The following DHX36 variants were observed in gnomAD, a reference collection of about 807,000 sequenced individuals.
DHX36 encodes ATP-dependent DNA/RNA helicase DHX36.
In DHX36, 50 loss-of-function variants were observed where a neutral mutation model predicts 139.0. The ratio of observed to expected loss-of-function variants is 0.36; its 90% CI spans 0.29 to 0.46. DHX36 has a LOEUF of 0.46. Ranked by LOEUF, DHX36 falls within the 20% of genes least tolerant of loss-of-function variation. The pLI is 1.00. For synonymous variants in DHX36, 425 were observed against 401.9 expected, an observed-to-expected ratio of 1.06 and a Z score of -0.69; for missense variants, 1,024 against 1,211.3, an observed-to-expected ratio of 0.85 and a Z score of 2.29.
intron 11 of DHX36, 34 bp from the exon 12 acceptor site, chr3:154,299,959 C>A (rs1712201397): frequency 6.9e-7 from 1 of 1,445,674 alleles, no homozygotes; most frequent in Non-Finnish European, 9.7e-7. Flanking sequence ...TACAAAGGAT[C>A]ACATCAACAA....
rs544105657 is a variant in DHX36, at chr3:154,299,700, A to G, written c.1549+138T>C. On this transcript the variant is annotated intron_variant, in intron 12 of 24. Coordinates refer to ENST00000496811, the MANE Select transcript of DHX36 (RefSeq NM_020865.3). ...GAAAAAGAAAGAAAATATTCTCTTC[A>G]TAATACTAAATAAAAAGCTTCACCT... 2.1e-4 allele frequency: 151 copies of G among 713,394 alleles called. No individual in the cohort carries two copies. In the African/African-American group the frequency reaches 2.4e-3, roughly 11 times the overall value. 44.2% of individuals were successfully genotyped at this position (713,394 alleles called of 1,614,324 possible). A position where few individuals can be genotyped will look rare whatever the true frequency, so the allele number is the denominator to read the frequency against.
intron 11 of DHX36, 82 bp from the exon 12 acceptor site, chr3:154,300,007 T>C: frequency 3.4e-6 from 3 of 878,736 alleles, no homozygotes; most frequent in Non-Finnish European, 5.6e-6. Context: ...CACTGAAGTC[T>C]CCATTAAAAT....
chr3:154,301,998 CCTTTAGTTAT>C (rs1712315334), intron 9 of DHX36, among the ~76,000 whole-genome samples: 2 of 151,274 alleles, frequency 1.3e-5, no homozygotes, highest in Admixed American at 1.3e-4. Flanking sequence ...AAACATCTGG[CCTTTAGTTAT>C]CTTATTTGAG....
chr3:154,295,862 G>A (rs1712027922), intron 12 of DHX36, among the ~76,000 whole-genome samples: 1 of 152,052 alleles, frequency 6.6e-6, no homozygotes, highest in Non-Finnish European at 1.5e-5. Flanking sequence ...CTGCCCCCTG[G>A]GCTCAAGTGA....
chr3:154,289,843 A>C lies in DHX36; in HGVS notation c.1815-17T>G. On this transcript the variant is annotated splice_polypyrimidine_tract_variant and intron_variant, in intron 15 of 24. Transcript: ENST00000496811. Reference sequence around the variant, plus strand: ...GGTTGAACTCTTAAAAAAAAAACAAAACAAAATGAAACAAAGAGGGACAGT... The same window carrying C: ...GGTTGAACTCTTAAAAAAAAAACAACACAAAATGAAACAAAGAGGGACAGT... 1.4e-6 allele frequency: 2 copies of C among 1,454,680 alleles called. No homozygotes were observed. The highest frequency in any genetic ancestry group is 1.4e-5 in the African/African-American group (1 of 70,150). The allele number at this position is 1,454,680 out of a possible 1,614,324, so 90.1% of individuals were successfully genotyped here. A position where few individuals can be genotyped will look rare whatever the true frequency, so the allele number is the denominator to read the frequency against.
chr3:154,284,793 T>C, intron 18 of DHX36, 21 bp downstream of exon 18: 1 of 1,611,160 alleles, frequency 6.2e-7, no homozygotes, highest in African/African-American at 1.3e-5. Flanking sequence ...AATAACTCGG[T>C]TTTATTTCCA....
Position 154,292,012 on chromosome 3 carries a change from T to C in DHX36, c.1814+539A>G, listed in dbSNP as rs902821804. ...ACTACTGGTGAAAAATCAGTACTGCTATAAAATTCAGTGATTAGGAGCCTA... is the reference window on the plus strand; with the variant it reads ...ACTACTGGTGAAAAATCAGTACTGCCATAAAATTCAGTGATTAGGAGCCTA... On this transcript the variant is annotated intron_variant, in intron 15 of 24. Transcript: ENST00000496811. Among the ~76,000 whole-genome samples the C allele has an allele frequency of 2.0e-5, 3 of 152,242 alleles. No individual in the cohort carries two copies. The South Asian group carries it at 6.2e-4, about 32-fold the overall frequency.
Position 154,324,249 on chromosome 3 carries a change from G to A in DHX36, c.168C>T (p.His56=), listed in dbSNP as rs766058388. Residue 56 remains histidine (H), a synonymous_variant, in exon 1 of 25, where the codon CAC becomes CAT. Coordinates refer to ENST00000496811, the MANE Select transcript of DHX36 (RefSeq NM_020865.3). Reference sequence around the variant, plus strand: ...ACATGCCGATTTCGCGGCCTTTCAGGTGCCCGGGATGCCGGCCCCTGCCGC... The same window carrying A: ...ACATGCCGATTTCGCGGCCTTTCAGATGCCCGGGATGCCGGCCCCTGCCGC... ...GRGGRGRHPG[H]LKGREIGMWY... is the part of the protein sequence containing the mutation. The A allele has an allele frequency of 1.9e-6, 3 of 1,613,476 alleles. No homozygotes were observed. Among genetic ancestry groups the A allele is most frequent in the Non-Finnish European group, 1.7e-6 (2 of 1,179,730 alleles).
Position 154,322,408 on chromosome 3 carries a change from A to G in DHX36, c.243+1766T>C, listed in dbSNP as rs565409651. Among the ~76,000 whole-genome samples, 89 of 152,378 alleles carry G rather than the reference A, an allele frequency of 5.8e-4. 3 individuals carry two copies. The South Asian group carries it at 0.018, about 31-fold the overall frequency. On this transcript the variant is annotated intron_variant, in intron 1 of 24. Coordinates refer to ENST00000496811, the MANE Select transcript of DHX36 (RefSeq NM_020865.3). ...AAAGCACAGACAATGCAGAGCAAGA[A>G]TGGAAGCTAGATGACTAGTTAGAAG...
chr3:154,273,129 T>C lies in DHX36; in HGVS notation c.*3042A>G, dbSNP rs1186854094. ...TACTCAAAATGATGAATCAAACAGA[T>C]TTTCCTTCTTAATTTAATGTCTTAT... On this transcript the variant is annotated 3_prime_UTR_variant, in exon 25 of 25. Coordinates refer to ENST00000496811, the MANE Select transcript of DHX36 (RefSeq NM_020865.3). 6.6e-6 allele frequency: 1 copy of C among 152,180 alleles called. No homozygotes were observed. The highest frequency in any genetic ancestry group is 1.5e-5 in the Non-Finnish European group (1 of 68,034). 9.4% of individuals were successfully genotyped at this position (152,180 alleles called of 1,614,324 possible). A position where few individuals can be genotyped will look rare whatever the true frequency, so the allele number is the denominator to read the frequency against.
intron 5 of DHX36, 50 bp downstream of exon 5, chr3:154,309,603 C>A: frequency 6.6e-7 from 1 of 1,505,430 alleles, no homozygotes; most frequent in Non-Finnish European, 9.0e-7. Flanking sequence ...TAGGTTCTAG[C>A]AAGATTACTT....
At chr3:154,303,044 T>C (rs1712361146) in intron 9 of DHX36, among the ~76,000 whole-genome samples, 1 of 152,106 alleles carries the variant, frequency 6.6e-6, no homozygotes, top group Non-Finnish European at 1.5e-5. Context: ...TCCACTGCAC[T>C]CTAGGCTAGG....
Position 154,299,837 on chromosome 3 carries a change from C to T in DHX36, c.1549+1G>A, listed in dbSNP as rs1211285111. The T allele has an allele frequency of 6.3e-7, 1 of 1,593,416 alleles. No individual in the cohort carries two copies. Among genetic ancestry groups the T allele is most frequent in the South Asian group, 1.1e-5 (1 of 90,620 alleles). On this transcript the variant is annotated splice_donor_variant, in intron 12 of 24. Coordinates refer to ENST00000496811, the MANE Select transcript of DHX36 (RefSeq NM_020865.3). LOFTEE classifies it high-confidence loss of function. ...TACAGTAAAATACATTTACATAGTA[C>T]CTGATTTAAACATTACTTGTGACAT...
intron 5 of DHX36, 124 bp from the exon 6 acceptor site, chr3:154,306,419 G>A (rs1014984078): frequency 2.7e-6 from 2 of 745,228 alleles, no homozygotes; most frequent in Non-Finnish European, 4.4e-6. Context: ...TAAAAAAATA[G>A]ATATTAAAAT....
chr3:154,297,188 C>G (rs1006613061), intron 12 of DHX36, among the ~76,000 whole-genome samples: 21 of 152,014 alleles, frequency 1.4e-4, no homozygotes, highest in Non-Finnish European at 3.1e-4. Context: ...TTTGAACAGG[C>G]TAGTTGTGAA....
intron 1 of DHX36, 69 bp downstream of exon 1, chr3:154,324,105 A>T: frequency 6.7e-7 from 1 of 1,484,298 alleles, no homozygotes; most frequent in Non-Finnish European, 9.1e-7. Context: ...AACCAAGAAA[A>T]AGGGGGCAGC....
At position 154,303,557 on chromosome 3, in the gene DHX36, C is replaced by T. The variant is rs1712382601; in HGVS notation, c.1136-147G>A. On this transcript the variant is annotated intron_variant, in intron 8 of 24. Transcript: ENST00000496811. Reference sequence around the variant, plus strand: ...TTTACAATTCTACCCTACTTTTCCACACCTACTTTAATAAAAAACAGCAGT... The same window carrying T: ...TTTACAATTCTACCCTACTTTTCCATACCTACTTTAATAAAAAACAGCAGT... 7.1e-6 allele frequency: 4 copies of T among 564,494 alleles called. No homozygotes were observed. The East Asian group carries it at 1.3e-4, about 19-fold the overall frequency. 35.0% of individuals were successfully genotyped at this position (564,494 alleles called of 1,614,324 possible).
chr3:154,286,953 T>G (rs1001718694), intron 17 of DHX36, among the ~76,000 whole-genome samples: 1 of 151,968 alleles, frequency 6.6e-6, no homozygotes, highest in Non-Finnish European at 1.5e-5. Flanking sequence ...AGTCAAGACG[T>G]TTTTGAAGAA....
At chr3:154,320,610 C>T (rs940727144) in intron 1 of DHX36, among the ~76,000 whole-genome samples, 4 of 152,210 alleles carry the variant, frequency 2.6e-5, no homozygotes, top group African/African-American at 9.6e-5. Flanking sequence ...CAATATCAAA[C>T]TCATAGTGTC....
Sources: gnomAD v4.1 joint callset for allele counts (sites outside exome capture counted in the v4.1 genomes callset) on GRCh38, gnomAD v4.1.1 for gene constraint, MANE v1.5 for transcripts, NCBI Gene and HGNC (gene_info 2026-07-23, HGNC 2026-07-21) for gene names.